The following GRIK3 variants were observed in gnomAD, a reference collection of about 807,000 sequenced individuals.
GRIK3 encodes glutamate receptor ionotropic, kainate 3.
In GRIK3, 29 loss-of-function variants were observed where a neutral mutation model predicts 102.5. The ratio of observed to expected loss-of-function variants is 0.28; its 90% CI spans 0.21 to 0.39. The LOEUF is 0.39. Ranked by LOEUF, GRIK3 falls within the 10% of genes least tolerant of loss-of-function variation. The pLI, the probability that GRIK3 is intolerant of heterozygous loss-of-function variation, is 1.00. For synonymous variants in GRIK3, 511 were observed against 504.9 expected, an observed-to-expected ratio of 1.01 and a Z score of -0.16; for missense variants, 908 against 1,252.4, an observed-to-expected ratio of 0.73 and a Z score of 4.15.
At chr1:37,018,056 T>G (rs1210687281) in intron 1 of GRIK3, among the ~76,000 whole-genome samples, 1 of 152,162 alleles carries the variant, frequency 6.6e-6, no homozygotes, top group East Asian at 1.9e-4. Flanking sequence ...CCCAATCACC[T>G]TTCCCCATGC....
chr1:36,859,004 A>G, intron 7 of GRIK3, 104 bp downstream of exon 7: 1 of 1,057,634 alleles, frequency 9.5e-7, no homozygotes, highest in South Asian at 1.7e-5. Context: ...GCCTGAGGTC[A>G]CATGGATGAG....
intron 7 of GRIK3, among the ~76,000 whole-genome samples, chr1:36,857,335 T>A (rs1640664788): frequency 6.6e-6 from 1 of 152,146 alleles, no homozygotes; most frequent in Non-Finnish European, 1.5e-5. Flanking sequence ...CAGAGTTCCC[T>A]GAGAGCAAGC....
At chr1:37,016,077 GAAGA>G (rs374025500) in intron 1 of GRIK3, among the ~76,000 whole-genome samples, 3 of 152,358 alleles carry the variant, frequency 2.0e-5, no homozygotes, top group African/African-American at 7.2e-5. Context: ...AGGAAGGAAG[GAAGA>G]ATCAGGAGTA....
chr1:36,826,804 GCCC>G (rs1642759707), intron 10 of GRIK3, among the ~76,000 whole-genome samples: 1 of 152,008 alleles, frequency 6.6e-6, no homozygotes, highest in African/African-American at 2.4e-5. Context: ...ATAAATTTTA[GCCC>G]ATCACAATTT....
At chr1:36,882,601 T>C (rs1203189789) in intron 2 of GRIK3, among the ~76,000 whole-genome samples, 1 of 152,102 alleles carries the variant, frequency 6.6e-6, no homozygotes, top group Non-Finnish European at 1.5e-5. Flanking sequence ...AACCACTCAC[T>C]GACCTTCCTA....
intron 1 of GRIK3, among the ~76,000 whole-genome samples, chr1:36,903,349 G>A (rs750555799): frequency 6.6e-6 from 1 of 152,210 alleles, no homozygotes; most frequent in Non-Finnish European, 1.5e-5. Context: ...GGGGCAACAG[G>A]AGCCCTCATT....
chr1:36,958,209 CTGTGCCCCGTGAGCCTG>C (rs1328557659), intron 1 of GRIK3, among the ~76,000 whole-genome samples: 2 of 105,306 alleles, frequency 1.9e-5, no homozygotes, highest in East Asian at 3.4e-4. Flanking sequence ...CCCTGTGAGT[CTGTGCCCCGTGAGCCTG>C]TGTGCCCCGT....
At chr1:36,870,712 C>T (rs541898506) in intron 4 of GRIK3, among the ~76,000 whole-genome samples, 1 of 152,324 alleles carries the variant, frequency 6.6e-6, no homozygotes, top group Admixed American at 6.5e-5. Context: ...ACCTGGGAGT[C>T]CATTCTGGCT....
Position 36,880,981 on chromosome 1 carries a change from A to C in GRIK3, c.293-90T>G. On this transcript the variant is annotated intron_variant, in intron 2 of 15. Coordinates refer to ENST00000373091, the MANE Select transcript of GRIK3 (RefSeq NM_000831.4). The surrounding 1 kb of genome is among the most constrained non-coding windows in gnomAD (Gnocchi z 5.4). ...CTGATGATCCTGTAAACATGTGGGA[A>C]AAACAGCAACTGGAACCCTCGGTGG... 1 of 1,399,782 alleles carries C rather than the reference A, an allele frequency of 7.1e-7. No individual in the cohort carries two copies. The highest frequency in any genetic ancestry group is 2.5e-5 in the East Asian group (1 of 39,818). 86.7% of individuals were successfully genotyped at this position (1,399,782 alleles called of 1,614,324 possible).
intron 1 of GRIK3, among the ~76,000 whole-genome samples, chr1:36,953,354 T>C (rs1350512261): frequency 6.6e-6 from 1 of 152,136 alleles, no homozygotes; most frequent in Non-Finnish European, 1.5e-5. Flanking sequence ...CCTGCAGATA[T>C]GCTGTTGAGC....
intron 1 of GRIK3, among the ~76,000 whole-genome samples, chr1:36,983,833 A>G (rs1642275447): frequency 6.6e-6 from 1 of 152,130 alleles, no homozygotes; most frequent in Non-Finnish European, 1.5e-5. Flanking sequence ...ATTTCCACTC[A>G]TTCTTTCTAC....
rs566219494 is a variant in GRIK3, at chr1:37,029,324, C to T, written c.115+4670G>A. Among the ~76,000 whole-genome samples the T allele has an allele frequency of 1.6e-3, 246 of 152,340 alleles. 2 individuals carry two copies. The highest frequency in any genetic ancestry group is 2.9e-4 in the Non-Finnish European group (20 of 68,034). On this transcript the variant is annotated intron_variant, in intron 1 of 15. Transcript: ENST00000373091. The stretch of plus-strand genomic sequence containing the variant: ...CTCAACGAGGGCCCTGCTCCTGCAA[C>T]ATTGGTCCTCTCTGTTGCCAGGCGG...
chr1:36,923,419 G>C (rs1325358062), intron 1 of GRIK3, among the ~76,000 whole-genome samples: 1 of 152,186 alleles, frequency 6.6e-6, no homozygotes, highest in African/African-American at 2.4e-5. Flanking sequence ...AGGTCTGACT[G>C]GAGACCCTAG....
At chr1:36,848,960 C>T (rs770894154) in intron 9 of GRIK3, among the ~76,000 whole-genome samples, 2 of 152,134 alleles carry the variant, frequency 1.3e-5, no homozygotes, top group Admixed American at 6.5e-5. Flanking sequence ...ACAGGTGTCC[C>T]CTAAGACCAC....
intron 1 of GRIK3, among the ~76,000 whole-genome samples, chr1:37,003,910 C>T (rs1302548124): frequency 6.6e-6 from 1 of 152,136 alleles, no homozygotes; most frequent in Non-Finnish European, 1.5e-5. Flanking sequence ...CTGGATGCTG[C>T]CCCACTGCAG....
chr1:36,877,122 G>A (rs907954179), intron 3 of GRIK3, among the ~76,000 whole-genome samples: 12 of 152,044 alleles, frequency 7.9e-5, no homozygotes, highest in African/African-American at 2.9e-4. Context: ...GGCACTTGTG[G>A]GTAAGAGCTG....
At chr1:36,876,949 A>G (rs1003064963) in intron 3 of GRIK3, among the ~76,000 whole-genome samples, 9 of 152,356 alleles carry the variant, frequency 5.9e-5, no homozygotes, top group African/African-American at 2.2e-4. Context: ...TTAAATATTG[A>G]AGGAAAGAGT....
chr1:36,859,270 C>T lies in GRIK3; in HGVS notation c.961-19G>A, dbSNP rs1336752428. 6.3e-7 allele frequency: 1 copy of T among 1,589,070 alleles called. No individual in the cohort carries two copies. ...CATCAGTCTGCAGGGAAGGGCCTGC[C>T]TGAGAGCGGCTCCCAAGGCCCTCCA... On this transcript the variant is annotated intron_variant, in intron 6 of 15. Transcript: ENST00000373091.
intron 1 of GRIK3, among the ~76,000 whole-genome samples, chr1:36,982,718 G>C (rs1429407097): frequency 6.6e-6 from 1 of 152,074 alleles, no homozygotes; most frequent in East Asian, 1.9e-4. Flanking sequence ...AAGGGTGGAA[G>C]GGGCAGCCCA....
Sources: gnomAD v4.1 joint callset for allele counts (sites outside exome capture counted in the v4.1 genomes callset) on GRCh38, gnomAD v4.1.1 for gene constraint, Gnocchi (gnomAD v3.1) non-coding constraint, MANE v1.5 for transcripts, NCBI Gene and HGNC (gene_info 2026-07-23, HGNC 2026-07-21) for gene names.